Variants in CSMD1 observed in about 807,000 individuals in gnomAD.
CSMD1 encodes the protein CUB and sushi domain-containing protein 1.
Under a neutral mutation model 417.5 loss-of-function variants are expected in CSMD1, and 213 were observed. The ratio of observed to expected loss-of-function variants is 0.51; its 90% CI spans 0.46 to 0.57. The LOEUF is 0.57. Ranked by LOEUF, CSMD1 falls within the 20% of genes least tolerant of loss-of-function variation. The probability of loss-of-function intolerance (pLI) is 0.00; values close to 1 mark genes in which losing one functional copy is unlikely to be tolerated. For synonymous variants in CSMD1, 2,862 were observed against 1,736.8 expected, an observed-to-expected ratio of 1.65 and a Z score of -16.11; for missense variants, 6,923 against 4,529.7, an observed-to-expected ratio of 1.53 and a Z score of -15.17.
At chr8:3,526,299 A>G (rs1283468517) in intron 10 of CSMD1, among the ~76,000 whole-genome samples, 1 of 151,164 alleles carries the variant, frequency 6.6e-6, no homozygotes, top group Non-Finnish European at 1.5e-5. Context: ...AAATAGATAT[A>G]GGCAATGTTT....
chr8:4,061,809 T>C (rs1798985930), intron 3 of CSMD1, among the ~76,000 whole-genome samples: 2 of 152,344 alleles, frequency 1.3e-5, no homozygotes, highest in Middle Eastern at 3.4e-3. Context: ...TTATTTATTT[T>C]AAATGATGCT....
At chr8:3,072,983 T>C (rs541615363) in intron 49 of CSMD1, among the ~76,000 whole-genome samples, 35 of 152,302 alleles carry the variant, frequency 2.3e-4, no homozygotes, top group Admixed American at 1.7e-3. Flanking sequence ...ACTCTTCTCC[T>C]AATGAAAAAT....
At chr8:4,100,580 TG>T (rs1222676160) in intron 3 of CSMD1, among the ~76,000 whole-genome samples, 1 of 152,178 alleles carries the variant, frequency 6.6e-6, no homozygotes, top group Non-Finnish European at 1.5e-5. Flanking sequence ...CAGCATCACC[TG>T]GGAGGTGGTA....
chr8:4,696,601 C>T (rs1248810215), intron 1 of CSMD1, among the ~76,000 whole-genome samples: 4 of 152,104 alleles, frequency 2.6e-5, no homozygotes, highest in Non-Finnish European at 5.9e-5. Flanking sequence ...CCCGTATTAC[C>T]CAGATTTATT....
chr8:4,736,453 C>T (rs565325412), intron 1 of CSMD1, among the ~76,000 whole-genome samples: 19 of 152,180 alleles, frequency 1.2e-4, no homozygotes, highest in Non-Finnish European at 2.4e-4. Context: ...AAGCAGCAGG[C>T]CCCTCAGGTG....
chr8:4,628,937 T>C (rs1802334815), intron 2 of CSMD1, among the ~76,000 whole-genome samples: 1 of 152,210 alleles, frequency 6.6e-6, no homozygotes, highest in Admixed American at 6.5e-5. Flanking sequence ...GACACTCTGA[T>C]ACTGTGTTTA....
rs1297446557 is a variant in CSMD1 at position 3,671,168 on chromosome 8, G to T, written c.1009+37246C>A. Among the ~76,000 whole-genome samples the T allele has an allele frequency of 3.0e-4, 44 of 147,462 alleles. 1 individual carries two copies. The highest frequency in any genetic ancestry group is 1.1e-3 in the African/African-American group (44 of 40,476). ...GTATATGGGATATATATGTATATGA[G>T]ATATATATGTATATGGTATATATAG... is the stretch of plus-strand genomic sequence containing the variant. On this transcript the variant is annotated intron_variant, in intron 7 of 69. Coordinates refer to ENST00000635120, the MANE Select transcript of CSMD1 (RefSeq NM_033225.6).
intron 7 of CSMD1, among the ~76,000 whole-genome samples, chr8:3,683,412 G>A (rs1010231269): frequency 3.3e-5 from 5 of 151,936 alleles, no homozygotes; most frequent in African/African-American, 9.7e-5. Context: ...GTAATTACAG[G>A]CAATGGTTTG....
intron 2 of CSMD1, among the ~76,000 whole-genome samples, chr8:4,554,210 C>T (rs1029420566): frequency 3.3e-5 from 5 of 152,138 alleles, no homozygotes; most frequent in African/African-American, 1.2e-4. Context: ...AATCTCGGCT[C>T]ACTGCAACCT....
intron 1 of CSMD1, among the ~76,000 whole-genome samples, chr8:4,736,055 C>T (rs963583232): frequency 6.6e-6 from 1 of 152,126 alleles, no homozygotes; most frequent in South Asian, 2.1e-4. Flanking sequence ...TTGTATTGCC[C>T]TGTGTTAGCC....
At chr8:3,310,602 C>G (rs907704003) in intron 23 of CSMD1, among the ~76,000 whole-genome samples, 1 of 152,212 alleles carries the variant, frequency 6.6e-6, no homozygotes, top group Non-Finnish European at 1.5e-5. Flanking sequence ...ATTAGGCACA[C>G]AAAATCGGGG....
chr8:4,838,841 T>C (rs913367982), intron 1 of CSMD1, among the ~76,000 whole-genome samples: 7 of 152,180 alleles, frequency 4.6e-5, no homozygotes, highest in African/African-American at 1.7e-4. Context: ...ATGTGACACT[T>C]CTTGTTTCTC....
chr8:4,438,752 A>T (rs770855148), intron 2 of CSMD1, among the ~76,000 whole-genome samples: 2 of 152,252 alleles, frequency 1.3e-5, no homozygotes, highest in Non-Finnish European at 2.9e-5. Flanking sequence ...GTTACAAATG[A>T]GTCCAAACCA....
At chr8:3,487,533 T>G (rs150800128) in intron 11 of CSMD1, among the ~76,000 whole-genome samples, 1 of 152,262 alleles carries the variant, frequency 6.6e-6, no homozygotes, top group East Asian at 1.9e-4. Context: ...ATTTTAGGAA[T>G]AGCATATATA....
At chr8:3,136,468 T>C (rs1563075910) in intron 41 of CSMD1, among the ~76,000 whole-genome samples, 1 of 152,060 alleles carries the variant, frequency 6.6e-6, no homozygotes, top group Non-Finnish European at 1.5e-5. Context: ...TTTCACCATG[T>C]TGGCCAGGCT....
At chr8:4,242,560 C>T (rs1006266019) in intron 3 of CSMD1, among the ~76,000 whole-genome samples, 1 of 152,168 alleles carries the variant, frequency 6.6e-6, no homozygotes, top group Non-Finnish European at 1.5e-5. Flanking sequence ...AGTAAGTTGT[C>T]TTGAAAAAAC....
rs189935721 is a variant in CSMD1 at position 4,750,268 on chromosome 8, C to A, written c.86-112710G>T. Among the ~76,000 whole-genome samples the A allele has an allele frequency of 2.8e-3, 419 of 152,216 alleles. 3 individuals are homozygous for A. The highest frequency in any genetic ancestry group is 9.5e-3 in the African/African-American group (396 of 41,530). Reference sequence around the variant, plus strand: ...GTGATCCGCCCGCCTCGGCCTCCCACAGTGCTGGGATTACAGGGTGAACCA... The same window carrying A: ...GTGATCCGCCCGCCTCGGCCTCCCAAAGTGCTGGGATTACAGGGTGAACCA... On this transcript the variant is annotated intron_variant, in intron 1 of 69. Coordinates refer to ENST00000635120, the MANE Select transcript of CSMD1 (RefSeq NM_033225.6).
chr8:4,989,589 C>T (rs965506913), intron 1 of CSMD1, among the ~76,000 whole-genome samples: 3 of 152,092 alleles, frequency 2.0e-5, no homozygotes, highest in East Asian at 1.9e-4. Context: ...TCTTACAGAG[C>T]GAAGTGAGCT....
chr8:3,189,667 T>A (rs149182198), intron 34 of CSMD1, among the ~76,000 whole-genome samples: 1 of 151,194 alleles, frequency 6.6e-6, no homozygotes, highest in East Asian at 1.9e-4. Context: ...TTAGAGTTGA[T>A]GGCCTACTTC....
Sources: gnomAD v4.1 joint callset for allele counts (sites outside exome capture counted in the v4.1 genomes callset) on GRCh38, gnomAD v4.1.1 for gene constraint, MANE v1.5 for transcripts, NCBI Gene and HGNC (gene_info 2026-07-23, HGNC 2026-07-21) for gene names.